MYO9B: variants seen among roughly 807,000 people sequenced by gnomAD.
The protein encoded by MYO9B is myosin IXB, also known as unconventional myosin-IXb.
A neutral mutation model predicts 229.5 loss-of-function variants in MYO9B; 71 were observed. The ratio of observed to expected loss-of-function variants is 0.31; its 90% CI spans 0.26 to 0.38. The LOEUF (loss-of-function observed/expected upper bound fraction) is 0.38. Ranked by LOEUF, MYO9B falls within the 10% of genes least tolerant of loss-of-function variation. The probability of loss-of-function intolerance (pLI) is 1.00; values close to 1 mark genes in which losing one functional copy is unlikely to be tolerated. For synonymous variants in MYO9B, 1,185 were observed against 1,235.8 expected (o/e 0.96, Z 0.86); for missense variants, 2,255 against 2,920.5 (o/e 0.77, Z 5.25).
intron 2 of MYO9B, among the ~76,000 whole-genome samples, chr19:17,135,665 C>A (rs1251389753): frequency 6.6e-6 from 1 of 152,152 alleles, no homozygotes; most frequent in East Asian, 1.9e-4. Context: ...GGTCACCGGG[C>A]CTGGGAGCAG....
At chr19:17,138,897 T>C (rs1177374337) in intron 2 of MYO9B, among the ~76,000 whole-genome samples, 1 of 152,078 alleles carries the variant, frequency 6.6e-6, no homozygotes, top group Non-Finnish European at 1.5e-5. Flanking sequence ...GCTGGCCAGG[T>C]GCGGTGGCTC....
chr19:17,198,183 G>A lies in MYO9B; in HGVS notation c.4114-1G>A. The A allele has an allele frequency of 6.2e-7, 1 of 1,613,732 alleles. No individual in the cohort carries two copies. Among genetic ancestry groups the A allele is most frequent in the Non-Finnish European group, 8.5e-7 (1 of 1,179,878 alleles). On this transcript the variant is annotated splice_acceptor_variant, in intron 23 of 39. Coordinates refer to ENST00000682292, the MANE Select transcript of MYO9B (RefSeq NM_004145.4). LOFTEE classifies it high-confidence loss of function. Reference sequence around the variant, plus strand: ...CAGCCCCCCACTGCACCGTCTTGCAGCCTGCAGCAGAAACCACGGACGGAG... The same window carrying A: ...CAGCCCCCCACTGCACCGTCTTGCAACCTGCAGCAGAAACCACGGACGGAG...
At chr19:17,089,872 T>C (rs2057620075) in intron 1 of MYO9B, among the ~76,000 whole-genome samples, 1 of 152,130 alleles carries the variant, frequency 6.6e-6, no homozygotes, top group Non-Finnish European at 1.5e-5. Flanking sequence ...CTCTATCTGA[T>C]TCCAGAACAC....
intron 2 of MYO9B, among the ~76,000 whole-genome samples, chr19:17,127,988 A>G (rs1242894738): frequency 6.6e-6 from 1 of 152,144 alleles, no homozygotes. Flanking sequence ...GCCGTGAACT[A>G]ATTTGCCCAA....
intron 2 of MYO9B, among the ~76,000 whole-genome samples, chr19:17,121,328 G>A (rs990972257): frequency 1.3e-5 from 2 of 152,120 alleles, no homozygotes; most frequent in Non-Finnish European, 2.9e-5. Flanking sequence ...GGACACAGCA[G>A]TGGTCCCACA....
intron 3 of MYO9B, among the ~76,000 whole-genome samples, chr19:17,151,001 C>T (rs567605359): frequency 9.0e-5 from 9 of 100,180 alleles, no homozygotes; most frequent in South Asian, 3.1e-4. Flanking sequence ...TTGGTAAGGC[C>T]GGGCGCAGTG....
In MYO9B at chr19:17,193,373, G is replaced by C. The variant is rs781498574; in HGVS notation, c.3128+311G>C. ...GATTCAGGGTTGGAGGGGCTGCCTG[G>C]ACCAGCCCAACACTCACATGGAGCT... On this transcript the variant is annotated intron_variant, in intron 21 of 39. Transcript: ENST00000682292. The surrounding 1 kb of genome is among the most constrained non-coding windows in gnomAD (Gnocchi z 4.3). 6.6e-6 allele frequency among the ~76,000 whole-genome samples: 1 copy of C among 152,152 alleles called. No individual in the cohort carries two copies. The highest frequency in any genetic ancestry group is 1.5e-5 in the Non-Finnish European group (1 of 68,032).
rs1396701965 is a variant in MYO9B at position 17,202,823 on chromosome 19, C to T, written c.4837-19C>T. The stretch of plus-strand genomic sequence containing the variant: ...TCCCAGGGGGGCCCCCGCCAACCTC[C>T]TCCTTGTGTTCCTCACAGCAGAGCA... On this transcript the variant is annotated intron_variant, in intron 28 of 39. Transcript: ENST00000682292. 1.3e-6 allele frequency: 2 copies of T among 1,582,982 alleles called. No homozygotes were observed. The highest frequency in any genetic ancestry group is 2.3e-5 in the East Asian group (1 of 42,934).
intron 2 of MYO9B, among the ~76,000 whole-genome samples, chr19:17,136,724 C>T (rs1349388729): frequency 6.6e-6 from 1 of 152,088 alleles, no homozygotes; most frequent in Non-Finnish European, 1.5e-5. Flanking sequence ...ACTTCACCAG[C>T]AGAGCCCTTG....
chr19:17,199,725 G>C (rs1419458603), intron 24 of MYO9B, among the ~76,000 whole-genome samples: 1 of 137,718 alleles, frequency 7.3e-6, no homozygotes. Context: ...TGTATTTTTG[G>C]TACAGAAGGG....
intron 15 of MYO9B, among the ~76,000 whole-genome samples, chr19:17,183,059 T>C (rs2072879143): frequency 1.3e-5 from 2 of 151,938 alleles, no homozygotes; most frequent in Non-Finnish European, 2.9e-5. Context: ...GTAGCTGGGA[T>C]TACAGGCACC....
At position 17,202,135 on chromosome 19, in the gene MYO9B, G is replaced by T. The variant is rs749694266; in HGVS notation, c.4668G>T (p.Gly1556=). The part of the protein sequence containing the change: ...NIKTMYSVPN[G]KIHVGYKDLM... The stretch of plus-strand genomic sequence containing the variant: ...GACGCCTAGCATTCCTACAGAACGG[G>T]AAGATCCACGTGGGCTACAAGGATC... The change falls in exon 28 of 40, where the codon GGG becomes GGT. Residue 1556 remains glycine, a synonymous_variant. Transcript: ENST00000682292. 36 of 1,613,682 alleles carry T rather than the reference G, an allele frequency of 2.2e-5. No homozygotes were observed. The highest frequency in any genetic ancestry group is 3.1e-5 in the Non-Finnish European group (36 of 1,179,714).
intron 14 of MYO9B, among the ~76,000 whole-genome samples, chr19:17,180,266 G>C (rs1025802097): frequency 9.7e-5 from 13 of 134,022 alleles, no homozygotes; most frequent in Non-Finnish European, 1.7e-4. Flanking sequence ...ATCCCCAAAG[G>C]CTCTTAAATA....
chr19:17,077,857 G>A (rs561885532), intron 1 of MYO9B, among the ~76,000 whole-genome samples: 25 of 151,886 alleles, frequency 1.6e-4, no homozygotes, highest in Non-Finnish European at 1.9e-4. Flanking sequence ...CTTCTTCATC[G>A]TCCAAATAGA....
Position 17,169,906 on chromosome 19 carries a change from A to T in MYO9B, c.1793+1842A>T, listed in dbSNP as rs556689178. 2.9e-5 allele frequency among the ~76,000 whole-genome samples: 4 copies of T among 138,986 alleles called. No individual in the cohort carries two copies. In the South Asian group the frequency reaches 8.8e-4, roughly 31 times the overall value. The allele number at this position is 138,986 out of a possible 152,430, so 91.2% of individuals were successfully genotyped here. A position where few individuals can be genotyped will look rare whatever the true frequency, so the allele number is the denominator to read the frequency against. On this transcript the variant is annotated intron_variant, in intron 11 of 39. Coordinates refer to ENST00000682292, the MANE Select transcript of MYO9B (RefSeq NM_004145.4). ...ATCTTGGCTCAAGTTAATTGGCGTC[A>T]TCTCAGCTCACTGTAACCCCCACCT...
rs2072779328 is a variant in MYO9B at position 17,175,719 on chromosome 19, ACCCCTT to A, written c.2199_2204del (p.Pro734_Ser735del). ...AGAAGAGCTGCCAAGAGGAGCCAGC[ACCCCTT>A]CGGAAAAACTTTACCGGTGAGCAAG... On this transcript the variant is annotated inframe_deletion, in exon 14 of 40. Transcript: ENST00000682292. 6.4e-7 allele frequency: 1 copy of A among 1,574,008 alleles called. No individual in the cohort carries two copies. Among genetic ancestry groups the A allele is most frequent in the African/African-American group, 1.4e-5 (1 of 73,620 alleles).
intron 31 of MYO9B, among the ~76,000 whole-genome samples, 156 bp downstream of exon 31, chr19:17,205,492 G>A (rs1040735276): frequency 1.3e-5 from 2 of 152,158 alleles, no homozygotes; most frequent in African/African-American, 2.4e-5. Context: ...CATTGTCCCC[G>A]GTTCTGTACA....
At position 17,101,901 on chromosome 19, in the gene MYO9B, T is replaced by C. The variant is rs773443087; in HGVS notation, c.184T>C (p.Cys62Arg). Residue 62 changes from cysteine (C) to arginine (R), a missense_variant, in exon 2 of 40, where the codon TGT (cysteine) becomes CGT (arginine). Cys to Arg is a radical substitution (Grantham distance 180). Coordinates refer to ENST00000682292, the MANE Select transcript of MYO9B (RefSeq NM_004145.4). The surrounding 1 kb of genome is among the most constrained non-coding windows in gnomAD (Gnocchi z 4.7). ...IASLRLDGTK[C>R]YVLVEVKESG... Reference sequence around the variant, plus strand: ...CAGCCTGCGGCTGGACGGCACCAAATGTTATGTGCTGGTGGAGGTCAAAGA... The same window carrying C: ...CAGCCTGCGGCTGGACGGCACCAAACGTTATGTGCTGGTGGAGGTCAAAGA... 4.3e-6 allele frequency: 7 copies of C among 1,613,276 alleles called. No homozygotes were observed. The East Asian group carries it at 1.1e-4, about 26-fold the overall frequency.
At chr19:17,117,799 G>A (rs1266570556) in intron 2 of MYO9B, among the ~76,000 whole-genome samples, 3 of 151,868 alleles carry the variant, frequency 2.0e-5, no homozygotes, top group Admixed American at 1.3e-4. Flanking sequence ...TTAGCCAAGC[G>A]TGGTGGCAGG....
Sources: allele counts gnomAD v4.1 joint callset (sites outside exome capture counted in the v4.1 genomes callset), GRCh38; gene constraint gnomAD v4.1.1; non-coding constraint Gnocchi (gnomAD v3.1); transcripts MANE v1.5; gene names NCBI Gene and HGNC (gene_info 2026-07-23, HGNC 2026-07-21).